The following VPS35L variants were observed in gnomAD, a reference collection of about 807,000 sequenced individuals.
VPS35L encodes the protein VPS35 endosomal protein-sorting factor-like.
A neutral mutation model predicts 133.0 loss-of-function variants in VPS35L; 83 were observed. The ratio of observed to expected loss-of-function variants is 0.62; its 90% CI spans 0.52 to 0.75. VPS35L has a LOEUF of 0.75. Ranked by LOEUF, VPS35L falls within the 30% of genes least tolerant of loss-of-function variation. VPS35L has a pLI of 0.00. For missense variants in VPS35L, 1,083 were observed against 1,206.8 expected (o/e 0.90, Z 1.52); for synonymous variants, 423 against 449.9 (o/e 0.94, Z 0.76).
intron 14 of VPS35L, among the ~76,000 whole-genome samples, chr16:19,618,884 T>C (rs908110131): frequency 1.1e-4 from 17 of 151,864 alleles, no homozygotes; most frequent in African/African-American, 3.9e-4. Flanking sequence ...GAGTGTGAGA[T>C]TTGGGGCCAG....
At chr16:19,626,302 G>A in intron 15 of VPS35L, 79 bp downstream of exon 15, 1 of 1,043,792 alleles carries the variant, frequency 9.6e-7, no homozygotes, top group Non-Finnish European at 1.5e-6. Flanking sequence ...TGCTTACCTG[G>A]GTATGAGCTG....
intron 2 of VPS35L, among the ~76,000 whole-genome samples, chr16:19,568,490 A>G (rs1305587007): frequency 6.6e-6 from 1 of 151,310 alleles, no homozygotes; most frequent in East Asian, 1.9e-4. Context: ...TTCCCGAAGG[A>G]TGGGGAATGG....
chr16:19,691,423 G>C lies in VPS35L; in HGVS notation c.2598G>C (p.Thr866=), dbSNP rs760464427. The C allele has an allele frequency of 1.7e-5, 28 of 1,614,022 alleles. No individual in the cohort carries two copies. The highest frequency in any genetic ancestry group is 2.3e-5 in the Non-Finnish European group (27 of 1,179,948). The change falls in exon 29 of 31, where the codon ACG becomes ACC. Residue 866 remains threonine (T), a synonymous_variant. Coordinates refer to ENST00000417362, the MANE Select transcript of VPS35L (RefSeq NM_020314.7). The part of the protein sequence containing the change: ...FLAENNKLCE[T]VMAQILEHLK... ...CAGAAAACAACAAGCTGTGTGAGAC[G>C]GTGATGGCTCAGATCCTAGAGCATC...
At chr16:19,592,555 C>T (rs1311642296) in intron 8 of VPS35L, among the ~76,000 whole-genome samples, 1 of 152,072 alleles carries the variant, frequency 6.6e-6, no homozygotes, top group African/African-American at 2.4e-5. Context: ...AATGGCACCA[C>T]CATGTACCCA....
At chr16:19,567,221 C>A (rs1444414757) in intron 2 of VPS35L, among the ~76,000 whole-genome samples, 1 of 152,194 alleles carries the variant, frequency 6.6e-6, no homozygotes, top group East Asian at 1.9e-4. Flanking sequence ...AACACCCATA[C>A]CATAACAGAA....
intron 21 of VPS35L, among the ~76,000 whole-genome samples, chr16:19,641,952 G>C (rs576651197): frequency 6.6e-6 from 1 of 152,230 alleles, no homozygotes; most frequent in Non-Finnish European, 1.5e-5. Context: ...GCTCACGCCC[G>C]TAATCCCAAT....
At chr16:19,574,371 T>TA (rs1971470832) in intron 4 of VPS35L, among the ~76,000 whole-genome samples, 2 of 152,152 alleles carry the variant, frequency 1.3e-5, no homozygotes. Context: ...CACTTTTAGT[T>TA]ACATTTGTCT....
At chr16:19,666,545 C>T (rs1259252633) in intron 26 of VPS35L, among the ~76,000 whole-genome samples, 1 of 152,090 alleles carries the variant, frequency 6.6e-6, no homozygotes, top group Non-Finnish European at 1.5e-5. Context: ...CCTGCATGCC[C>T]CAACCTTTAA....
chr16:19,700,080 G>A (rs1567501155), intron 30 of VPS35L, among the ~76,000 whole-genome samples: 2 of 152,242 alleles, frequency 1.3e-5, no homozygotes, highest in Admixed American at 1.3e-4. Context: ...CTGGGTGATA[G>A]AGCAGGACCT....
At chr16:19,558,752 C>G (rs1016558930) in intron 1 of VPS35L, among the ~76,000 whole-genome samples, 1 of 151,298 alleles carries the variant, frequency 6.6e-6, no homozygotes, top group African/African-American at 2.4e-5. Context: ...GAAACCCTGT[C>G]TCTACTAGAA....
intron 12 of VPS35L, among the ~76,000 whole-genome samples, chr16:19,612,936 C>T (rs961940262): frequency 2.0e-5 from 3 of 152,182 alleles, no homozygotes; most frequent in African/African-American, 7.2e-5. Flanking sequence ...CTGTTGAAAT[C>T]ATTTTTGTCA....
intron 18 of VPS35L, among the ~76,000 whole-genome samples, chr16:19,630,562 CTGAGCTCG>C: frequency 6.6e-6 from 1 of 152,016 alleles, no homozygotes; most frequent in Non-Finnish European, 1.5e-5. Context: ...TCTCGATCTC[CTGAGCTCG>C]CAATCAGCCC....
rs540301415 is a variant in VPS35L at position 19,555,704 on chromosome 16, G to A, written c.-26G>A. 2.5e-6 allele frequency: 4 copies of A among 1,608,752 alleles called. No individual in the cohort carries two copies. In the South Asian group the frequency reaches 3.3e-5, roughly 13 times the overall value. On this transcript the variant is annotated 5_prime_UTR_variant, in exon 1 of 31. Coordinates refer to ENST00000417362, the MANE Select transcript of VPS35L (RefSeq NM_020314.7). ...ATGGGAAGCCGAGCAGACGGCCCCA[G>A]AACAAGCGGTCATGTGACTGGGAAG...
intron 26 of VPS35L, among the ~76,000 whole-genome samples, chr16:19,658,242 A>T (rs187262782): frequency 6.6e-6 from 1 of 152,214 alleles, no homozygotes; most frequent in African/African-American, 2.4e-5. Context: ...AAGAGACTAC[A>T]GGCTGGGCTG....
chr16:19,631,603 A>G (rs566489907), intron 18 of VPS35L, among the ~76,000 whole-genome samples: 24 of 152,338 alleles, frequency 1.6e-4, no homozygotes, highest in Non-Finnish European at 2.9e-4. Context: ...TTTGATTTAT[A>G]TCATTACCAT....
chr16:19,569,425 TCA>T lies in VPS35L; in HGVS notation c.122_123del (p.Thr41ArgfsTer36). The T allele has an allele frequency of 6.3e-7, 1 of 1,594,524 alleles. No homozygotes were observed. The highest frequency in any genetic ancestry group is 8.5e-7 in the Non-Finnish European group (1 of 1,170,504). ...TACCTCCAGAAATTTTCCTCACAGG[TCA>T]CAGAGTCAAAGACAAAGAAAGTGAA... On this transcript the variant is annotated frameshift_variant and splice_region_variant, in exon 3 of 31. Transcript: ENST00000417362. LOFTEE classifies it high-confidence loss of function.
At chr16:19,622,981 T>C (rs555632814) in intron 14 of VPS35L, among the ~76,000 whole-genome samples, 6 of 152,050 alleles carry the variant, frequency 3.9e-5, no homozygotes, top group African/African-American at 1.2e-4. Context: ...TGTCCCTGAT[T>C]AGTAGCAAGG....
At chr16:19,645,356 C>T (rs1195831955) in intron 23 of VPS35L, among the ~76,000 whole-genome samples, 1 of 149,584 alleles carries the variant, frequency 6.7e-6, no homozygotes, top group African/African-American at 2.5e-5. Flanking sequence ...GTGGCGCGAT[C>T]TCAGCTCACT....
chr16:19,630,832 C>A (rs1040679474), intron 18 of VPS35L, among the ~76,000 whole-genome samples: 1 of 151,786 alleles, frequency 6.6e-6, no homozygotes, highest in Non-Finnish European at 1.5e-5. Context: ...TGGTAAAACC[C>A]CGTCTCTACT....
Sources: allele counts gnomAD v4.1 joint callset (sites outside exome capture counted in the v4.1 genomes callset), GRCh38; gene constraint gnomAD v4.1.1; transcripts MANE v1.5; gene names NCBI Gene and HGNC (gene_info 2026-07-23, HGNC 2026-07-21).